The following PCDHGA4 variants were observed in gnomAD, a reference collection of about 807,000 sequenced individuals.
PCDHGA4 encodes protocadherin gamma-A4.
A neutral mutation model predicts 54.6 loss-of-function variants in PCDHGA4; 38 were observed. The observed-to-expected ratio is 0.70, with a 90% CI of 0.54 to 0.91. The LOEUF (loss-of-function observed/expected upper bound fraction) is 0.91. PCDHGA4 is among the 40% of genes least tolerant of loss of function. The probability of loss-of-function intolerance (pLI) is 0.00; values close to 1 mark genes in which losing one functional copy is unlikely to be tolerated. For missense variants in PCDHGA4, 1,298 were observed against 1,220.9 expected (o/e 1.06, Z -0.94); for synonymous variants, 511 against 512.9 (o/e 1.00, Z 0.05).
At chr5:141,449,531 G>A (rs1421489293) in intron 1 of PCDHGA4, among the ~76,000 whole-genome samples, 2 of 149,216 alleles carry the variant, frequency 1.3e-5, no homozygotes, top group Admixed American at 6.7e-5. Flanking sequence ...GGAGGTTGCA[G>A]TGAGCCGAGA....
In PCDHGA4 at chr5:141,487,218, C is replaced by T; in HGVS notation, c.2515-7589C>T. The T allele has an allele frequency of 6.2e-7, 1 of 1,613,938 alleles. No individual in the cohort carries two copies. The highest frequency in any genetic ancestry group is 1.3e-5 in the African/African-American group (1 of 75,024). On this transcript the variant is annotated intron_variant, in intron 1 of 3. Coordinates refer to ENST00000571252, the MANE Select transcript of PCDHGA4 (RefSeq NM_018917.4). The surrounding 1 kb of genome is among the most constrained non-coding windows in gnomAD (Gnocchi z 5.0). ...CCAGATCTTCGAGAATCTTCAGCTCCAAGGGAAGGAGAATCTCGTCTAACC... is the reference window on the plus strand; with the variant it reads ...CCAGATCTTCGAGAATCTTCAGCTCTAAGGGAAGGAGAATCTCGTCTAACC...
chr5:141,405,260 T>A, intron 1 of PCDHGA4: 1 of 1,614,140 alleles, frequency 6.2e-7, no homozygotes, highest in South Asian at 1.1e-5. Flanking sequence ...TCACCTGATC[T>A]TCCCCCAGCC....
At chr5:141,386,934 T>C (rs568938502) in intron 1 of PCDHGA4, among the ~76,000 whole-genome samples, 1 of 152,316 alleles carries the variant, frequency 6.6e-6, no homozygotes, top group Non-Finnish European at 1.5e-5. Flanking sequence ...AGTGCAGAGG[T>C]AGGAAGCAGT....
chr5:141,421,910 C>G, intron 1 of PCDHGA4: 1 of 1,613,716 alleles, frequency 6.2e-7, no homozygotes, highest in Non-Finnish European at 8.5e-7. Flanking sequence ...GGCGCAGTTC[C>G]CATTCGTGTG....
At chr5:141,482,768 CTGA>C (rs2099572195) in intron 1 of PCDHGA4, among the ~76,000 whole-genome samples, 1 of 126,868 alleles carries the variant, frequency 7.9e-6, no homozygotes, top group Admixed American at 7.7e-5. Flanking sequence ...TTCATTATCA[CTGA>C]ACCTTAAACT....
chr5:141,401,890 C>T (rs2094204069), intron 1 of PCDHGA4, among the ~76,000 whole-genome samples: 1 of 152,084 alleles, frequency 6.6e-6, no homozygotes, highest in Non-Finnish European at 1.5e-5. Context: ...ATTTTGTGTT[C>T]TTTTTCCCAA....
intron 3 of PCDHGA4, among the ~76,000 whole-genome samples, 188 bp from the exon 4 acceptor site, chr5:141,510,759 G>A (rs1026623444): frequency 6.6e-5 from 10 of 152,172 alleles, no homozygotes; most frequent in African/African-American, 2.4e-4. Context: ...TCTCACTCCA[G>A]AGCCTCTTAA....
Position 141,476,104 on chromosome 5 carries a change from G to A in PCDHGA4, c.2515-18703G>A. 6.3e-7 allele frequency: 1 copy of A among 1,584,700 alleles called. No homozygotes were observed. Among genetic ancestry groups the A allele is most frequent in the Non-Finnish European group, 8.6e-7 (1 of 1,168,500 alleles). On this transcript the variant is annotated intron_variant, in intron 1 of 3. Coordinates refer to ENST00000571252, the MANE Select transcript of PCDHGA4 (RefSeq NM_018917.4). The surrounding 1 kb of genome is among the most constrained non-coding windows in gnomAD (Gnocchi z 7.6). ...GATCTGGACCCCGCTGAGAGGAACTGCTTTTGAGTGAGATGGTCCCAGAGG... is the reference window on the plus strand; with the variant it reads ...GATCTGGACCCCGCTGAGAGGAACTACTTTTGAGTGAGATGGTCCCAGAGG...
At position 141,486,927 on chromosome 5, in the gene PCDHGA4, G is replaced by A; in HGVS notation, c.2515-7880G>A. ...CCCCAAGCACTGCCTCCATCAGTTG[G>A]TGCTGGCCACCTAATCACAAAGGTG... On this transcript the variant is annotated intron_variant, in intron 1 of 3. Transcript: ENST00000571252. The surrounding 1 kb of genome is among the most constrained non-coding windows in gnomAD (Gnocchi z 5.0). 4 of 1,614,226 alleles carry A rather than the reference G, an allele frequency of 2.5e-6. No individual in the cohort carries two copies. Among genetic ancestry groups the A allele is most frequent in the Non-Finnish European group, 3.4e-6 (4 of 1,180,046 alleles).
rs972633773 is a variant in PCDHGA4, at chr5:141,489,751, A to T, written c.2515-5056A>T. ...GGGCACCAATACTGTGAGCTTTTAC[A>T]CTCTAAGCCCCAACAGCCACTTCTC... On this transcript the variant is annotated intron_variant, in intron 1 of 3. Coordinates refer to ENST00000571252, the MANE Select transcript of PCDHGA4 (RefSeq NM_018917.4). The surrounding 1 kb of genome is among the most constrained non-coding windows in gnomAD (Gnocchi z 4.5). The T allele has an allele frequency of 1.9e-6, 3 of 1,613,740 alleles. No individual in the cohort carries two copies. Among genetic ancestry groups the T allele is most frequent in the African/African-American group, 2.7e-5 (2 of 74,840 alleles).
chr5:141,364,391 G>C, intron 1 of PCDHGA4: 1 of 1,602,644 alleles, frequency 6.2e-7, no homozygotes. Context: ...CATGCTCCTG[G>C]GGACGCTGTG....
At chr5:141,408,214 C>CT (rs1471079476) in intron 1 of PCDHGA4, 1 of 1,555,074 alleles carries the variant, frequency 6.4e-7, no homozygotes. Flanking sequence ...TGGGAGGGAG[C>CT]TGCGCGCAGA....
At chr5:141,364,290 G>A (rs745684468) in intron 1 of PCDHGA4, 1 of 1,518,718 alleles carries the variant, frequency 6.6e-7, no homozygotes, top group East Asian at 2.3e-5. Flanking sequence ...GAAACAGCAG[G>A]CTGAACCAGA....
In PCDHGA4 at chr5:141,477,718, A is replaced by G; in HGVS notation, c.2515-17089A>G. 6.2e-7 allele frequency: 1 copy of G among 1,613,928 alleles called. No homozygotes were observed. The highest frequency in any genetic ancestry group is 8.5e-7 in the Non-Finnish European group (1 of 1,180,034). On this transcript the variant is annotated intron_variant, in intron 1 of 3. Coordinates refer to ENST00000571252, the MANE Select transcript of PCDHGA4 (RefSeq NM_018917.4). The surrounding 1 kb of genome is among the most constrained non-coding windows in gnomAD (Gnocchi z 4.9). ...ACTATGAGGATCGGCGGGAATTTGA[A>G]TTAACAGCTCATATCAGCGATGGGG...
intron 1 of PCDHGA4, chr5:141,421,331 C>T: frequency 1.2e-6 from 2 of 1,613,856 alleles, no homozygotes; most frequent in East Asian, 2.2e-5. Flanking sequence ...ATCCGATATT[C>T]GGTGCCAGAA....
chr5:141,431,237 C>A lies in PCDHGA4; in HGVS notation c.2515-63570C>A. 1 of 1,614,170 alleles carries A rather than the reference C, an allele frequency of 6.2e-7. No homozygotes were observed. Among genetic ancestry groups the A allele is most frequent in the Non-Finnish European group, 8.5e-7 (1 of 1,180,044 alleles). The stretch of plus-strand genomic sequence containing the variant: ...GTTCCCTCTACCCCACGCCTGGGAT[C>A]CGGATATCGGGAAGAACTCTCTGCA... On this transcript the variant is annotated intron_variant, in intron 1 of 3. Transcript: ENST00000571252. The surrounding 1 kb of genome is among the most constrained non-coding windows in gnomAD (Gnocchi z 4.8).
chr5:141,390,539 A>T (rs774441899), intron 1 of PCDHGA4: 22 of 514,666 alleles, frequency 4.3e-5, no homozygotes, highest in Non-Finnish European at 6.5e-5. Flanking sequence ...TTTTAACCAC[A>T]AAGTGAAAGT....
In PCDHGA4 at chr5:141,489,088, G is replaced by GGCA; in HGVS notation, c.2515-5719_2515-5718insGCA. The GGCA allele has an allele frequency of 2.9e-6, 1 of 347,238 alleles. No individual in the cohort carries two copies. Among genetic ancestry groups the GGCA allele is most frequent in the Non-Finnish European group, 5.0e-6 (1 of 200,706 alleles). The allele number at this position is 347,238 out of a possible 1,614,324, so 21.5% of individuals were successfully genotyped here. A position where few individuals can be genotyped will look rare whatever the true frequency, so the allele number is the denominator to read the frequency against. The stretch of plus-strand genomic sequence containing the variant: ...CCCCTGCCCACCCCCGCCACTCGGT[G>GGCA]ACTAAGAACTGCTGCAAGCAGGCAA... On this transcript the variant is annotated intron_variant, in intron 1 of 3. Coordinates refer to ENST00000571252, the MANE Select transcript of PCDHGA4 (RefSeq NM_018917.4). This position sits in a 1 kb window ranked among gnomAD's most constrained non-coding sequence, Gnocchi z 4.5.
intron 1 of PCDHGA4, chr5:141,423,216 G>A (rs376530221): frequency 1.2e-6 from 2 of 1,613,632 alleles, no homozygotes; most frequent in African/African-American, 2.7e-5. Flanking sequence ...CGCTCACCGT[G>A]GCTGTGGCCG....
Sources: gnomAD v4.1 joint callset for allele counts (sites outside exome capture counted in the v4.1 genomes callset) on GRCh38, gnomAD v4.1.1 for gene constraint, Gnocchi (gnomAD v3.1) non-coding constraint, MANE v1.5 for transcripts, NCBI Gene and HGNC (gene_info 2026-07-23, HGNC 2026-07-21) for gene names.